The following RNGTT variants were observed in gnomAD, a reference collection of about 807,000 sequenced individuals.
RNGTT encodes the protein RNA guanylyltransferase and 5'-phosphatase.
Under a neutral mutation model 79.3 loss-of-function variants are expected in RNGTT, and 33 were observed. That is an observed-to-expected ratio of 0.42 (90% confidence interval 0.32 to 0.56). The LOEUF is 0.56. RNGTT is among the 20% of genes least tolerant of loss of function. RNGTT has a pLI of 0.17. For synonymous variants in RNGTT, 222 were observed against 235.9 expected, an observed-to-expected ratio of 0.94 and a Z score of 0.54; for missense variants, 497 against 739.1, an observed-to-expected ratio of 0.67 and a Z score of 3.80.
chr6:88,958,373 A>T (rs1467661013), intron 1 of RNGTT, among the ~76,000 whole-genome samples: 1 of 152,194 alleles, frequency 6.6e-6, no homozygotes, highest in Non-Finnish European at 1.5e-5. Flanking sequence ...AATAGATGGA[A>T]CCTAATTAAA....
At chr6:88,730,670 C>T (rs1288261840) in intron 13 of RNGTT, among the ~76,000 whole-genome samples, 1 of 152,226 alleles carries the variant, frequency 6.6e-6, no homozygotes, top group Non-Finnish European at 1.5e-5. Context: ...TCCTAACAGG[C>T]CATGGACTGG....
intron 13 of RNGTT, among the ~76,000 whole-genome samples, chr6:88,755,131 T>A (rs1391546496): frequency 6.6e-6 from 1 of 152,134 alleles, no homozygotes; most frequent in Admixed American, 6.5e-5. Flanking sequence ...CCCCAAGAAT[T>A]CTATATCCAG....
intron 1 of RNGTT, among the ~76,000 whole-genome samples, chr6:88,960,582 A>C (rs1785582260): frequency 6.6e-6 from 1 of 152,146 alleles, no homozygotes; most frequent in African/African-American, 2.4e-5. Context: ...AAAAATACAA[A>C]AAAGAAAAGA....
At chr6:88,929,831 CAT>C (rs1784430386) in intron 2 of RNGTT, among the ~76,000 whole-genome samples, 1 of 149,054 alleles carries the variant, frequency 6.7e-6, no homozygotes, top group Non-Finnish European at 1.5e-5. Context: ...CATATACACA[CAT>C]ATACATATAC....
At chr6:88,934,861 A>G (rs1242640747) in intron 2 of RNGTT, among the ~76,000 whole-genome samples, 1 of 151,714 alleles carries the variant, frequency 6.6e-6, no homozygotes, top group African/African-American at 2.4e-5. Flanking sequence ...CAATCCTCCC[A>G]CCTTGGCCTC....
At chr6:88,699,628 G>A (rs116290105) in intron 13 of RNGTT, among the ~76,000 whole-genome samples, 3,101 of 152,236 alleles carry the variant, frequency 0.02, 116 homozygotes, top group African/African-American at 0.069. Context: ...TAGTGCCACT[G>A]TACTCAGGTC....
intron 13 of RNGTT, among the ~76,000 whole-genome samples, chr6:88,680,751 A>G (rs537705205): frequency 3.7e-4 from 56 of 152,088 alleles, no homozygotes; most frequent in African/African-American, 1.3e-3. Flanking sequence ...TCAAAAAAAA[A>G]AAAAAAAGCC....
At chr6:88,628,755 C>G (rs370249384) in intron 14 of RNGTT, among the ~76,000 whole-genome samples, 8 of 152,212 alleles carry the variant, frequency 5.3e-5, no homozygotes, top group African/African-American at 1.9e-4. Flanking sequence ...GCATTTGGAT[C>G]TAGAGCTCTA....
At chr6:88,684,029 G>C (rs1437458674) in intron 13 of RNGTT, among the ~76,000 whole-genome samples, 1 of 151,164 alleles carries the variant, frequency 6.6e-6, no homozygotes, top group Non-Finnish European at 1.5e-5. Flanking sequence ...CAAAAATTTA[G>C]AAAAAGAAAA....
intron 4 of RNGTT, among the ~76,000 whole-genome samples, chr6:88,922,604 T>A (rs528793376): frequency 5.3e-4 from 80 of 152,106 alleles, no homozygotes; most frequent in South Asian, 1.2e-3. Flanking sequence ...CTCGGCTCAC[T>A]GCAAGCTCCA....
At chr6:88,644,952 A>G (rs998389020) in intron 14 of RNGTT, among the ~76,000 whole-genome samples, 18 of 152,302 alleles carry the variant, frequency 1.2e-4, no homozygotes, top group African/African-American at 3.6e-4. Flanking sequence ...CAAGACAGGG[A>G]TGCCCTCTCT....
intron 13 of RNGTT, among the ~76,000 whole-genome samples, chr6:88,711,506 A>C (rs527357888): frequency 1.4e-4 from 22 of 152,300 alleles, no homozygotes; most frequent in African/African-American, 5.3e-4. Flanking sequence ...TCCCTTTACA[A>C]ACACACATTA....
At chr6:88,627,835 A>C (rs998941321) in intron 14 of RNGTT, among the ~76,000 whole-genome samples, 3 of 152,116 alleles carry the variant, frequency 2.0e-5, no homozygotes, top group Non-Finnish European at 4.4e-5. Flanking sequence ...TCACCTGAGC[A>C]AACAAACTTC....
chr6:88,632,580 C>CACAT (rs1582256592), intron 14 of RNGTT, among the ~76,000 whole-genome samples: 1 of 148,392 alleles, frequency 6.7e-6, no homozygotes, highest in East Asian at 2.0e-4. Flanking sequence ...CACACACACA[C>CACAT]GTACATTTCA....
At chr6:88,651,590 T>G (rs1023906693) in intron 14 of RNGTT, among the ~76,000 whole-genome samples, 1 of 152,036 alleles carries the variant, frequency 6.6e-6, no homozygotes, top group African/African-American at 2.4e-5. Flanking sequence ...CATATTAAAG[T>G]TATAAAATGC....
At position 88,891,768 on chromosome 6, in the gene RNGTT, G is replaced by A. The variant is rs1255719440; in HGVS notation, c.794+38C>T. ...GCTTGTATTAAGTGTTGTAAAATAA[G>A]AGCAAATTTTATTTAAAAATTTAAA... On this transcript the variant is annotated intron_variant, in intron 7 of 15. Transcript: ENST00000369485. 7.5e-6 allele frequency: 10 copies of A among 1,328,218 alleles called. 1 individual carries two copies. The highest frequency in any genetic ancestry group is 1.5e-5 in the South Asian group (1 of 68,288). The allele number at this position is 1,328,218 out of a possible 1,614,324, so 82.3% of individuals were successfully genotyped here.
intron 2 of RNGTT, among the ~76,000 whole-genome samples, chr6:88,934,327 T>C (rs1253439459): frequency 3.3e-5 from 5 of 152,210 alleles, no homozygotes; most frequent in African/African-American, 1.2e-4. Flanking sequence ...TGAGCCACTG[T>C]ACCTAGTCAT....
chr6:88,691,661 G>C (rs1775487193), intron 13 of RNGTT, among the ~76,000 whole-genome samples: 1 of 152,120 alleles, frequency 6.6e-6, no homozygotes, highest in African/African-American at 2.4e-5. Context: ...ATTGCCCTAA[G>C]TAGTTATTAA....
chr6:88,632,524 T>TACAGACAC (rs71681491), intron 14 of RNGTT, among the ~76,000 whole-genome samples: 14 of 131,070 alleles, frequency 1.1e-4, no homozygotes, highest in East Asian at 7.5e-4. Flanking sequence ...AGCAACCAAC[T>TACAGACAC]ACAGACACAC....
Sources: gnomAD v4.1 joint callset for allele counts (sites outside exome capture counted in the v4.1 genomes callset) on GRCh38, gnomAD v4.1.1 for gene constraint, MANE v1.5 for transcripts, NCBI Gene and HGNC (gene_info 2026-07-23, HGNC 2026-07-21) for gene names.